Variants in PRICKLE2 observed in about 807,000 individuals in gnomAD.
PRICKLE2 encodes prickle-like protein 2.
A neutral mutation model predicts 81.4 loss-of-function variants in PRICKLE2; 21 were observed. The observed-to-expected ratio is 0.26, with a 90% CI of 0.18 to 0.37. The LOEUF is 0.37. Ranked by LOEUF, PRICKLE2 falls within the 10% of genes least tolerant of loss-of-function variation. The pLI, the probability that PRICKLE2 is intolerant of heterozygous loss-of-function variation, is 1.00. For synonymous variants in PRICKLE2, 456 were observed against 421.5 expected (o/e 1.08, Z -1.00); for missense variants, 940 against 1,109.0 (o/e 0.85, Z 2.16).
At position 64,265,426 on chromosome 3, in the gene PRICKLE2, T is replaced by C. The variant is rs372985971; in HGVS notation, c.129-66459A>G. ...TCAGAATATCGCACAGAGTTTATATTCACCTAGCGCTCTCCTACTTTATGA... is the reference window on the plus strand; with the variant it reads ...TCAGAATATCGCACAGAGTTTATATCCACCTAGCGCTCTCCTACTTTATGA... On this transcript the variant is annotated intron_variant, in intron 2 of 8. Coordinates refer to the PRICKLE2 transcript ENST00000295902. 5.3e-5 allele frequency among the ~76,000 whole-genome samples: 8 copies of C among 152,330 alleles called. No individual in the cohort carries two copies. The East Asian group carries it at 1.5e-3, about 29-fold the overall frequency.
At chr3:64,141,500 T>C (rs1159109043) in intron 7 of PRICKLE2, among the ~76,000 whole-genome samples, 2 of 152,244 alleles carry the variant, frequency 1.3e-5, no homozygotes, top group African/African-American at 2.4e-5. Context: ...CTTCTAATGC[T>C]ATGATTACGC....
intron 2 of PRICKLE2, among the ~76,000 whole-genome samples, chr3:64,252,684 G>A (rs888159356): frequency 1.3e-4 from 20 of 152,152 alleles, no homozygotes; most frequent in Admixed American, 3.9e-4. Flanking sequence ...GGAAACTTTT[G>A]TGAAAGACTT....
intron 7 of PRICKLE2, chr3:64,100,789 C>T (rs1472533110): frequency 6.6e-6 from 1 of 152,162 alleles, no homozygotes; most frequent in African/African-American, 2.4e-5. Flanking sequence ...CAGTAACTTC[C>T]ATTTTGCTCA....
At chr3:64,158,496 C>T (rs138340144) in intron 4 of PRICKLE2, among the ~76,000 whole-genome samples, 2,224 of 152,292 alleles carry the variant, frequency 0.015, 22 homozygotes, top group Middle Eastern at 0.024. Flanking sequence ...AAAAGTAACA[C>T]GGTCAAGGTC....
chr3:64,166,469 C>T (rs982408567), intron 2 of PRICKLE2, among the ~76,000 whole-genome samples: 34 of 152,262 alleles, frequency 2.2e-4, no homozygotes, highest in African/African-American at 7.7e-4. Context: ...GTGCTGAGAT[C>T]CATCCTAAAG....
At chr3:64,158,495 A>C (rs1303722588) in intron 4 of PRICKLE2, among the ~76,000 whole-genome samples, 2 of 152,268 alleles carry the variant, frequency 1.3e-5, no homozygotes, top group Non-Finnish European at 2.9e-5. Flanking sequence ...GAAAAGTAAC[A>C]CGGTCAAGGT....
At chr3:64,123,827 T>C (rs973648811) in intron 7 of PRICKLE2, among the ~76,000 whole-genome samples, 2 of 152,176 alleles carry the variant, frequency 1.3e-5, no homozygotes, top group African/African-American at 2.4e-5. Flanking sequence ...CCCCCATCTT[T>C]TTCCCTGTTC....
At chr3:64,159,046 T>A (rs1426649248) in intron 4 of PRICKLE2, among the ~76,000 whole-genome samples, 1 of 152,186 alleles carries the variant, frequency 6.6e-6, no homozygotes, top group Non-Finnish European at 1.5e-5. Context: ...CTGTGGCAGC[T>A]GAGAGGTGGG....
chr3:64,097,191 A>C lies in PRICKLE2; in HGVS notation c.*1860T>G, dbSNP rs2076583719. 1 of 152,648 alleles carries C rather than the reference A, an allele frequency of 6.6e-6. No individual in the cohort carries two copies. The highest frequency in any genetic ancestry group is 2.1e-4 in the South Asian group (1 of 4,832). The allele number at this position is 152,648 out of a possible 1,614,324, so 9.5% of individuals were successfully genotyped here. ...AAAATCAGTGACAATGACAAATGTC[A>C]TATTAATACCTGAAAAGCAAATTAT... On this transcript the variant is annotated 3_prime_UTR_variant, in exon 8 of 8. Coordinates refer to ENST00000638394, the MANE Select transcript of PRICKLE2 (RefSeq NM_198859.4).
rs984896934 is a variant in PRICKLE2, at chr3:64,095,474, T to G, written c.*3577A>C. On this transcript the variant is annotated 3_prime_UTR_variant, in exon 8 of 8. Transcript: ENST00000638394. ...CTGGTTGGAGTGTTGCAAAGATCTGTGAGGCTGCATCCACATTCTCAGCAA... is the reference window on the plus strand; with the variant it reads ...CTGGTTGGAGTGTTGCAAAGATCTGGGAGGCTGCATCCACATTCTCAGCAA... The G allele has an allele frequency of 6.6e-6, 1 of 152,226 alleles. No individual in the cohort carries two copies. Among genetic ancestry groups the G allele is most frequent in the East Asian group, 1.9e-4 (1 of 5,194 alleles). 9.4% of individuals were successfully genotyped at this position (152,226 alleles called of 1,614,324 possible). A position where few individuals can be genotyped will look rare whatever the true frequency, so the allele number is the denominator to read the frequency against.
At chr3:64,186,230 G>C (rs552323256) in intron 2 of PRICKLE2, among the ~76,000 whole-genome samples, 1 of 152,308 alleles carries the variant, frequency 6.6e-6, no homozygotes, top group Admixed American at 6.5e-5. Context: ...AGAAAACTAA[G>C]AGCAGCCACT....
intron 2 of PRICKLE2, among the ~76,000 whole-genome samples, chr3:64,185,294 C>G (rs1471059277): frequency 1.3e-5 from 2 of 152,118 alleles, no homozygotes; most frequent in African/African-American, 4.8e-5. Context: ...CAGACCCCCC[C>G]TAGATTGCTG....
intron 2 of PRICKLE2, among the ~76,000 whole-genome samples, chr3:64,240,055 C>T (rs1036707995): frequency 2.6e-5 from 4 of 151,514 alleles, no homozygotes; most frequent in East Asian, 3.9e-4. Context: ...GCTGGGAGGT[C>T]GAGGCTGCAG....
chr3:64,112,479 G>C (rs2076864643), intron 7 of PRICKLE2, among the ~76,000 whole-genome samples: 3 of 152,250 alleles, frequency 2.0e-5, no homozygotes, highest in African/African-American at 7.2e-5. Flanking sequence ...TGGATAAATG[G>C]GTACAATGGA....
At chr3:64,255,457 G>T (rs916125183) in intron 2 of PRICKLE2, among the ~76,000 whole-genome samples, 1 of 152,128 alleles carries the variant, frequency 6.6e-6, no homozygotes, top group Non-Finnish European at 1.5e-5. Flanking sequence ...GGGAGCAAGG[G>T]TTTATACAAA....
intron 2 of PRICKLE2, among the ~76,000 whole-genome samples, chr3:64,176,150 T>C (rs1186456973): frequency 3.9e-5 from 6 of 152,290 alleles, no homozygotes; most frequent in African/African-American, 1.4e-4. Context: ...CTCCTATTTA[T>C]AATTCCTTGA....
intron 6 of PRICKLE2, among the ~76,000 whole-genome samples, chr3:64,149,811 C>T (rs558952130): frequency 1.3e-5 from 2 of 152,232 alleles, no homozygotes; most frequent in East Asian, 1.9e-4. Flanking sequence ...CAATTCTTCT[C>T]GTATTAGCTC....
At chr3:64,244,706 A>G (rs2079320707) in intron 2 of PRICKLE2, among the ~76,000 whole-genome samples, 1 of 152,112 alleles carries the variant, frequency 6.6e-6, no homozygotes, top group Admixed American at 6.5e-5. Flanking sequence ...ATATATTCAT[A>G]CATGCCACAA....
At chr3:64,176,843 A>G (rs2078032115) in intron 2 of PRICKLE2, among the ~76,000 whole-genome samples, 1 of 152,246 alleles carries the variant, frequency 6.6e-6, no homozygotes, top group African/African-American at 2.4e-5. Context: ...AATCATAAAA[A>G]CAATTGTGAG....
Sources: allele counts gnomAD v4.1 joint callset (sites outside exome capture counted in the v4.1 genomes callset), GRCh38; gene constraint gnomAD v4.1.1; transcripts MANE v1.5; gene names NCBI Gene and HGNC (gene_info 2026-07-23, HGNC 2026-07-21).